Variants in PRDM16 observed in about 807,000 individuals in gnomAD.
The protein encoded by PRDM16 is histone-lysine N-methyltransferase PRDM16.
Under a neutral mutation model 110.6 loss-of-function variants are expected in PRDM16, and 23 were observed. That is an observed-to-expected ratio of 0.21 (90% CI 0.15 to 0.29). The LOEUF is 0.29. Ranked by LOEUF, PRDM16 falls within the 10% of genes least tolerant of loss-of-function variation. The pLI is 1.00. For synonymous variants in PRDM16, 799 were observed against 781.8 expected, an observed-to-expected ratio of 1.02 and a Z score of -0.37; for missense variants, 1,615 against 1,794.3, an observed-to-expected ratio of 0.90 and a Z score of 1.81.
At chr1:3,277,776 C>CACAT (rs1557576446) in intron 3 of PRDM16, among the ~76,000 whole-genome samples, 1 of 145,746 alleles carries the variant, frequency 6.9e-6, no homozygotes, top group African/African-American at 2.7e-5. Context: ...CGCACACACA[C>CACAT]GCACACATAT....
chr1:3,139,616 C>A (rs1223099535), intron 1 of PRDM16, among the ~76,000 whole-genome samples: 3 of 152,246 alleles, frequency 2.0e-5, no homozygotes, highest in Admixed American at 6.5e-5. Context: ...GTTACAATAT[C>A]TGTGGGTTGC....
intron 2 of PRDM16, among the ~76,000 whole-genome samples, chr1:3,214,937 G>A (rs916318481): frequency 2.6e-5 from 4 of 152,284 alleles, no homozygotes; most frequent in East Asian, 3.9e-4. Context: ...CCTGGGCATC[G>A]TCCCCCAAAC....
Position 3,338,196 on chromosome 1 carries a change from A to T in PRDM16, c.439-46956A>T, listed in dbSNP as rs147845316. Among the ~76,000 whole-genome samples the T allele has an allele frequency of 3.0e-4, 45 of 152,344 alleles. 1 individual carries two copies. The East Asian group carries it at 8.3e-3, about 28-fold the overall frequency. On this transcript the variant is annotated intron_variant, in intron 3 of 16. Transcript: ENST00000270722. ...AGCCGAATTCTCTTTGGGAAGTTGCAAGGACCCTCGCAAGGCAGGAGAAGG... is the reference window on the plus strand; with the variant it reads ...AGCCGAATTCTCTTTGGGAAGTTGCTAGGACCCTCGCAAGGCAGGAGAAGG...
intron 1 of PRDM16, among the ~76,000 whole-genome samples, chr1:3,162,497 C>T (rs1643907177): frequency 6.6e-6 from 1 of 152,240 alleles, no homozygotes; most frequent in African/African-American, 2.4e-5. Context: ...ACTCCTGCCC[C>T]TTCCCCCCGG....
rs556681775 is a variant in PRDM16, at chr1:3,252,159, C to T, written c.438+8022C>T. On this transcript the variant is annotated intron_variant, in intron 3 of 16. Transcript: ENST00000270722. ...CTTCTGTGACATCATGCTGTGCCCC[C>T]CTCTTCCTGAGCCCTATCTCCCTGT... Among the ~76,000 whole-genome samples the T allele has an allele frequency of 8.5e-5, 13 of 152,346 alleles. No homozygotes were observed. In the East Asian group the frequency reaches 2.3e-3, roughly 27 times the overall value.
At chr1:3,422,137 A>ACAGGCGGACAGACAGGCAGGCAGG (rs1638453537) in intron 12 of PRDM16, among the ~76,000 whole-genome samples, 1 of 149,374 alleles carries the variant, frequency 6.7e-6, no homozygotes, top group Non-Finnish European at 1.5e-5. Context: ...AGGCAGGCAG[A>ACAGGCGGACAGACAGGCAGGCAGG]CAGGCAGACA....
At chr1:3,234,877 G>T (rs1639504598) in intron 2 of PRDM16, among the ~76,000 whole-genome samples, 1 of 152,266 alleles carries the variant, frequency 6.6e-6, no homozygotes, top group African/African-American at 2.4e-5. Flanking sequence ...TCTAATCCAG[G>T]AGGGAGGACG....
chr1:3,369,935 G>A (rs1642880021), intron 3 of PRDM16, among the ~76,000 whole-genome samples: 1 of 152,204 alleles, frequency 6.6e-6, no homozygotes, highest in Non-Finnish European at 1.5e-5. Context: ...ATTTGCAAGA[G>A]CTGATCTCAA....
intron 8 of PRDM16, among the ~76,000 whole-genome samples, chr1:3,408,760 G>A (rs1436961439): frequency 3.3e-5 from 5 of 151,202 alleles, no homozygotes; most frequent in Admixed American, 6.6e-5. Flanking sequence ...GTTGGCACAC[G>A]TGAGAGTGCA....
chr1:3,153,296 G>A (rs1206854442), intron 1 of PRDM16, among the ~76,000 whole-genome samples: 1 of 152,260 alleles, frequency 6.6e-6, no homozygotes, highest in Non-Finnish European at 1.5e-5. Context: ...TGGGCCTGGG[G>A]AGCTAAAGCA....
rs571292073 is a variant in PRDM16, at chr1:3,365,951, C to T, written c.439-19201C>T. Among the ~76,000 whole-genome samples the T allele has an allele frequency of 4.4e-4, 64 of 145,094 alleles. No homozygotes were observed. In the East Asian group the frequency reaches 0.012, roughly 26 times the overall value. On this transcript the variant is annotated intron_variant, in intron 3 of 16. Coordinates refer to ENST00000270722, the MANE Select transcript of PRDM16 (RefSeq NM_022114.4). ...GCACACATGCACACAAACGCACACG[C>T]ATGCACACATGCACACACACGCACA...
chr1:3,390,099 T>C lies in PRDM16; in HGVS notation c.573+4813T>C, dbSNP rs1643273110. ...AGGAGACACAGACAGGGACAGTTCCTGAATTTGTTTTAACGTGAAGAAAGA... is the reference window on the plus strand; with the variant it reads ...AGGAGACACAGACAGGGACAGTTCCCGAATTTGTTTTAACGTGAAGAAAGA... On this transcript the variant is annotated intron_variant, in intron 4 of 16. Coordinates refer to ENST00000270722, the MANE Select transcript of PRDM16 (RefSeq NM_022114.4). The surrounding 1 kb of genome is among the most constrained non-coding windows in gnomAD (Gnocchi z 5.0). 1.3e-5 allele frequency among the ~76,000 whole-genome samples: 2 copies of C among 152,312 alleles called. No individual in the cohort carries two copies. The highest frequency in any genetic ancestry group is 2.4e-5 in the African/African-American group (1 of 41,562).
At chr1:3,318,564 ATCT>A (rs1025729594) in intron 3 of PRDM16, among the ~76,000 whole-genome samples, 6 of 152,044 alleles carry the variant, frequency 3.9e-5, no homozygotes, top group African/African-American at 1.5e-4. Context: ...TCTATTGATC[ATCT>A]ATCAGTCGAT....
chr1:3,364,289 G>A (rs934362270), intron 3 of PRDM16, among the ~76,000 whole-genome samples: 1 of 152,208 alleles, frequency 6.6e-6, no homozygotes, highest in Non-Finnish European at 1.5e-5. Context: ...CTGTATTGTG[G>A]GTGGTTTATC....
chr1:3,153,127 C>G (rs1326537569), intron 1 of PRDM16, among the ~76,000 whole-genome samples: 1 of 152,228 alleles, frequency 6.6e-6, no homozygotes, highest in Non-Finnish European at 1.5e-5. Context: ...ACAGGGGTTG[C>G]CCCCACCTGG....
chr1:3,250,743 G>C (rs1639911665), intron 3 of PRDM16, among the ~76,000 whole-genome samples: 2 of 152,198 alleles, frequency 1.3e-5, no homozygotes, highest in Non-Finnish European at 2.9e-5. Flanking sequence ...CACACATCCA[G>C]CCCAAGTCCA....
At chr1:3,410,213 A>G (rs1643661507) in intron 8 of PRDM16, among the ~76,000 whole-genome samples, 1 of 152,028 alleles carries the variant, frequency 6.6e-6, no homozygotes, top group Non-Finnish European at 1.5e-5. Context: ...TCTTAGAAAA[A>G]CAAGAGGCAA....
intron 3 of PRDM16, among the ~76,000 whole-genome samples, chr1:3,362,193 C>T (rs957561833): frequency 1.3e-5 from 2 of 152,256 alleles, no homozygotes; most frequent in Admixed American, 6.5e-5. Flanking sequence ...TGTCTTCATT[C>T]TAGTCCTGGT....
intron 1 of PRDM16, among the ~76,000 whole-genome samples, chr1:3,172,039 C>T (rs1240184766): frequency 6.6e-6 from 1 of 152,210 alleles, no homozygotes; most frequent in Non-Finnish European, 1.5e-5. Flanking sequence ...TCAACGGCTC[C>T]ACGATGTCCT....
Sources: gnomAD v4.1 joint callset for allele counts (sites outside exome capture counted in the v4.1 genomes callset) on GRCh38, gnomAD v4.1.1 for gene constraint, Gnocchi (gnomAD v3.1) non-coding constraint, MANE v1.5 for transcripts, NCBI Gene and HGNC (gene_info 2026-07-23, HGNC 2026-07-21) for gene names.